The following UNC13B variants were observed in gnomAD, a reference collection of about 807,000 sequenced individuals.
The protein encoded by UNC13B is protein unc-13 homolog B.
A neutral mutation model predicts 211.0 loss-of-function variants in UNC13B; 144 were observed. The observed-to-expected ratio is 0.68, with a 90% confidence interval of 0.60 to 0.78. The LOEUF is 0.78. Among genes scored for constraint, UNC13B ranks in the 30% least tolerant of loss-of-function variants. The probability of loss-of-function intolerance (pLI) is 0.00; values close to 1 mark genes in which losing one functional copy is unlikely to be tolerated. For missense variants in UNC13B, 1,777 were observed against 2,002.0 expected (o/e 0.89, Z 2.14); for synonymous variants, 709 against 725.8 (o/e 0.98, Z 0.37).
intron 30 of UNC13B, 132 bp from the exon 31 acceptor site, chr9:35,398,077 GCT>G: frequency 1.4e-6 from 1 of 710,262 alleles, no homozygotes; most frequent in Non-Finnish European, 2.3e-6. Flanking sequence ...ACTGGCCCCA[GCT>G]CTTAGTGCTG....
At chr9:35,162,326 G>T in intron 1 of UNC13B, 21 bp downstream of exon 1, 1 of 1,533,676 alleles carries the variant, frequency 6.5e-7, no homozygotes, top group East Asian at 2.5e-5. Flanking sequence ...GGACTGAGGC[G>T]GGGAGGCGGG....
intron 7 of UNC13B, among the ~76,000 whole-genome samples, chr9:35,262,776 A>G (rs1169174157): frequency 6.6e-6 from 1 of 152,146 alleles, no homozygotes; most frequent in Non-Finnish European, 1.5e-5. Context: ...ATAAAAAAAT[A>G]CAAAAATTAG....
chr9:35,358,900 A>G (rs1177162761), intron 11 of UNC13B, among the ~76,000 whole-genome samples: 1 of 151,902 alleles, frequency 6.6e-6, no homozygotes, highest in Non-Finnish European at 1.5e-5. Context: ...AGGTTTCACC[A>G]TGTTGGCCAG....
chr9:35,396,669 A>G (rs1291840679), intron 27 of UNC13B, 67 bp downstream of exon 27: 5 of 1,605,094 alleles, frequency 3.1e-6, no homozygotes, highest in African/African-American at 2.7e-5. Context: ...AGTATCCCCA[A>G]TTCATTTCAG....
intron 1 of UNC13B, among the ~76,000 whole-genome samples, chr9:35,179,118 A>G (rs1228208332): frequency 3.3e-5 from 5 of 152,118 alleles, no homozygotes; most frequent in Non-Finnish European, 5.9e-5. Context: ...TTTACTCTTA[A>G]CTATACAATA....
At chr9:35,197,508 A>G (rs1823012360) in intron 1 of UNC13B, among the ~76,000 whole-genome samples, 1 of 152,122 alleles carries the variant, frequency 6.6e-6, no homozygotes, top group Admixed American at 6.5e-5. Context: ...ACACCCAGCC[A>G]TTTTTCAAAA....
chr9:35,196,709 G>A (rs988417321), intron 1 of UNC13B, among the ~76,000 whole-genome samples: 2 of 152,156 alleles, frequency 1.3e-5, no homozygotes, highest in Non-Finnish European at 2.9e-5. Context: ...GGCAGGAATT[G>A]TGTGCTGAAG....
intron 1 of UNC13B, among the ~76,000 whole-genome samples, chr9:35,216,914 A>G (rs957028942): frequency 6.6e-6 from 1 of 152,070 alleles, no homozygotes; most frequent in Admixed American, 6.5e-5. Context: ...ACAATCTCAT[A>G]AGGTCATATT....
At chr9:35,293,755 C>T (rs10217739) in intron 7 of UNC13B, among the ~76,000 whole-genome samples, 3,954 of 152,212 alleles carry the variant, frequency 0.026, 175 homozygotes, top group African/African-American at 0.088. Context: ...CTTTGCATCC[C>T]TCTTGTTTGC....
Position 35,300,926 on chromosome 9 carries a change from G to C in UNC13B, c.1522G>C (p.Asp508His). The C allele has an allele frequency of 2.5e-6, 1 of 398,942 alleles. No homozygotes were observed. The highest frequency in any genetic ancestry group is 1.3e-4 in the South Asian group (1 of 7,852). The allele number at this position is 398,942 out of a possible 1,614,324, so 24.7% of individuals were successfully genotyped here. Residue 508 changes from aspartate to histidine, a missense_variant, in exon 9 of 40, where the codon GAT (aspartate) becomes CAT (histidine). By Grantham distance (81) the Asp-to-His change is moderately conservative. Transcript: ENST00000635942. ...TGATGCAGAACAGAGAACGCCTGGG[G>C]ATCAAATACCACCTTTAACTATTGT... ...TLDAEQRTPG[D>H]QIPPLTIVKN... is the part of the protein sequence containing the mutation.
At chr9:35,264,918 G>A (rs1827482506) in intron 7 of UNC13B, among the ~76,000 whole-genome samples, 1 of 152,130 alleles carries the variant, frequency 6.6e-6, no homozygotes, top group African/African-American at 2.4e-5. Flanking sequence ...CCCTACGATT[G>A]TATTTTGGAA....
intron 11 of UNC13B, among the ~76,000 whole-genome samples, chr9:35,336,443 C>T (rs1315236814): frequency 6.6e-6 from 1 of 152,132 alleles, no homozygotes; most frequent in Non-Finnish European, 1.5e-5. Flanking sequence ...CTTTTCATTA[C>T]GCCTGTTAAC....
At chr9:35,212,834 C>T (rs982635265) in intron 1 of UNC13B, among the ~76,000 whole-genome samples, 2 of 152,132 alleles carry the variant, frequency 1.3e-5, no homozygotes, top group African/African-American at 4.8e-5. Flanking sequence ...GGTGGAGGAG[C>T]AGTTGTTAAT....
intron 1 of UNC13B, among the ~76,000 whole-genome samples, chr9:35,167,037 T>G (rs1299909497): frequency 6.6e-6 from 1 of 152,152 alleles, no homozygotes; most frequent in African/African-American, 2.4e-5. Flanking sequence ...TAAAACATTA[T>G]GAGATTTGTC....
At chr9:35,343,370 T>A (rs1832136332) in intron 11 of UNC13B, among the ~76,000 whole-genome samples, 1 of 152,240 alleles carries the variant, frequency 6.6e-6, no homozygotes, top group Non-Finnish European at 1.5e-5. Flanking sequence ...ATTGAAATTA[T>A]GTTCTTGTCT....
intron 11 of UNC13B, among the ~76,000 whole-genome samples, chr9:35,331,261 T>C (rs1831352221): frequency 6.6e-6 from 1 of 152,208 alleles, no homozygotes; most frequent in African/African-American, 2.4e-5. Context: ...TTTTCTTTTG[T>C]TTTTTGAGAC....
chr9:35,190,619 A>G (rs947237007), intron 1 of UNC13B, among the ~76,000 whole-genome samples: 1 of 152,122 alleles, frequency 6.6e-6, no homozygotes, highest in Non-Finnish European at 1.5e-5. Context: ...GGCTACCGGA[A>G]GTTATCTTAG....
At chr9:35,207,356 C>T (rs1257199341) in intron 1 of UNC13B, among the ~76,000 whole-genome samples, 1 of 151,924 alleles carries the variant, frequency 6.6e-6, no homozygotes, top group Admixed American at 6.6e-5. Context: ...AACTTCTGGG[C>T]TCAAGCAGTA....
At chr9:35,284,141 C>T (rs10814220) in intron 7 of UNC13B, among the ~76,000 whole-genome samples, 1 of 151,944 alleles carries the variant, frequency 6.6e-6, no homozygotes, top group Non-Finnish European at 1.5e-5. Context: ...GCGACTGTAG[C>T]CTGTAGTCCA....
Sources: gnomAD v4.1 joint callset for allele counts (sites outside exome capture counted in the v4.1 genomes callset) on GRCh38, gnomAD v4.1.1 for gene constraint, MANE v1.5 for transcripts, NCBI Gene and HGNC (gene_info 2026-07-23, HGNC 2026-07-21) for gene names.